The following PACSIN2 variants were observed in gnomAD, a reference collection of about 807,000 sequenced individuals.
PACSIN2 encodes protein kinase C and casein kinase substrate in neurons protein 2.
PACSIN2 carries 25 observed loss-of-function variants against 63.8 expected under a neutral mutation model. That is an observed-to-expected ratio of 0.39 (90% CI 0.29 to 0.55). The LOEUF (loss-of-function observed/expected upper bound fraction) is 0.55. Ranked by LOEUF, PACSIN2 falls within the 20% of genes least tolerant of loss-of-function variation. PACSIN2 has a pLI of 0.62. For synonymous variants in PACSIN2, 255 were observed against 256.2 expected (o/e 1.00, Z 0.05); for missense variants, 518 against 646.9 (o/e 0.80, Z 2.16).
intron 1 of PACSIN2, among the ~76,000 whole-genome samples, chr22:42,971,857 C>A (rs183763921): frequency 0.013 from 389 of 30,964 alleles, 8 homozygotes; most frequent in South Asian, 0.022. Context: ...TGGGGGGCAG[C>A]CCCCGCCCAG....
intron 2 of PACSIN2, among the ~76,000 whole-genome samples, chr22:42,904,068 A>C (rs1035844456): frequency 2.6e-5 from 4 of 152,350 alleles, no homozygotes; most frequent in Admixed American, 2.0e-4. Flanking sequence ...ATGACACAGA[A>C]ACCCAGAAAT....
chr22:42,884,001 G>A (rs1248723627), intron 6 of PACSIN2, among the ~76,000 whole-genome samples: 11 of 147,084 alleles, frequency 7.5e-5, no homozygotes, highest in East Asian at 5.8e-4. Flanking sequence ...GCAAGACTCC[G>A]TCTCAAAAAA....
chr22:42,899,963 G>C (rs1186269848), intron 2 of PACSIN2, among the ~76,000 whole-genome samples: 3 of 152,214 alleles, frequency 2.0e-5, no homozygotes, highest in African/African-American at 7.2e-5. Context: ...AGGGGGCCTA[G>C]GTATCAACTG....
rs1452580626 is a variant in PACSIN2 at position 42,870,777 on chromosome 22, T to C, written c.*580A>G. 6.6e-6 allele frequency: 1 copy of C among 152,374 alleles called. No homozygotes were observed. The highest frequency in any genetic ancestry group is 1.5e-5 in the Non-Finnish European group (1 of 68,206). The allele number at this position is 152,374 out of a possible 1,614,324, so 9.4% of individuals were successfully genotyped here. A position where few individuals can be genotyped will look rare whatever the true frequency, so the allele number is the denominator to read the frequency against. ...CTGGCATAATTCCTTTCCTCAAACATCTGCCACCTGAGGCTAAGCCTACAC... is the reference window on the plus strand; with the variant it reads ...CTGGCATAATTCCTTTCCTCAAACACCTGCCACCTGAGGCTAAGCCTACAC... On this transcript the variant is annotated 3_prime_UTR_variant, in exon 11 of 11. Transcript: ENST00000263246.
At chr22:42,939,714 T>C (rs1051689399) in intron 1 of PACSIN2, among the ~76,000 whole-genome samples, 1 of 152,246 alleles carries the variant, frequency 6.6e-6, no homozygotes, top group African/African-American at 2.4e-5. Context: ...ACAGTCTGCC[T>C]AACTCTATGC....
intron 1 of PACSIN2, among the ~76,000 whole-genome samples, chr22:42,961,102 T>A (rs949590506): frequency 1.3e-5 from 2 of 152,144 alleles, no homozygotes; most frequent in African/African-American, 4.8e-5. Flanking sequence ...CAAGCGGGTG[T>A]ATGTAGGGAT....
chr22:42,893,745 GT>G, intron 2 of PACSIN2, 132 bp from the exon 3 acceptor site: 1 of 784,372 alleles, frequency 1.3e-6, no homozygotes, highest in Non-Finnish European at 2.1e-6. Context: ...CTCTCCAAGA[GT>G]TTGAAAGGCA....
At chr22:42,979,988 T>G (rs146997649) in intron 1 of PACSIN2, among the ~76,000 whole-genome samples, 1 of 152,170 alleles carries the variant, frequency 6.6e-6, no homozygotes, top group South Asian at 2.1e-4. Context: ...CATACATGCT[T>G]AACTATATAA....
At chr22:42,963,055 T>C (rs1378848999) in intron 1 of PACSIN2, among the ~76,000 whole-genome samples, 2 of 152,204 alleles carry the variant, frequency 1.3e-5, no homozygotes, top group East Asian at 3.8e-4. Context: ...CCTGCTGGCC[T>C]CTGGCATGCA....
intron 2 of PACSIN2, chr22:42,909,586 C>T (rs1223815892): frequency 2.1e-6 from 1 of 471,012 alleles, no homozygotes. Context: ...ATTTCAGGGA[C>T]AGCATCACAA....
chr22:42,950,888 AG>A (rs1569314419), intron 1 of PACSIN2, among the ~76,000 whole-genome samples: 1 of 152,132 alleles, frequency 6.6e-6, no homozygotes, highest in African/African-American at 2.4e-5. Flanking sequence ...AGTAGGGGTC[AG>A]GGGATTTCAA....
At position 42,993,502 on chromosome 22, in the gene PACSIN2, T is replaced by G. The variant is rs1923190845; in HGVS notation, c.-78+21519A>C. 2 of 152,260 alleles carry G rather than the reference T, an allele frequency of 1.3e-5. 1 individual carries two copies. Among genetic ancestry groups the G allele is most frequent in the South Asian group, 4.1e-4 (2 of 4,832 alleles). 9.4% of individuals were successfully genotyped at this position (152,260 alleles called of 1,614,324 possible). ...TATTTTGCCAAGTAAGAATATCCTT[T>G]AGAAACTACCAGCTCTTTTCATCAA... On this transcript the variant is annotated intron_variant, in intron 1 of 10. Coordinates refer to ENST00000263246, the MANE Select transcript of PACSIN2 (RefSeq NM_001184970.3).
At chr22:42,975,783 C>G (rs1001687934) in intron 1 of PACSIN2, among the ~76,000 whole-genome samples, 1 of 151,914 alleles carries the variant, frequency 6.6e-6, no homozygotes, top group African/African-American at 2.4e-5. Flanking sequence ...GAGGTTGGCT[C>G]CCAGGCATTT....
intron 1 of PACSIN2, among the ~76,000 whole-genome samples, chr22:43,012,878 T>G (rs1201564969): frequency 6.6e-6 from 1 of 152,128 alleles, no homozygotes; most frequent in East Asian, 1.9e-4. Context: ...GGTCTCGAAC[T>G]CCCGACCTCT....
chr22:42,972,191 G>A (rs1325998143), intron 1 of PACSIN2, among the ~76,000 whole-genome samples: 1 of 152,254 alleles, frequency 6.6e-6, no homozygotes, highest in Non-Finnish European at 1.5e-5. Context: ...GGACGCTGTT[G>A]ATCTATGGCC....
intron 3 of PACSIN2, 28 bp from the exon 4 acceptor site, chr22:42,891,210 A>C: frequency 6.6e-7 from 1 of 1,524,918 alleles, no homozygotes; most frequent in Non-Finnish European, 9.1e-7. Flanking sequence ...GCTGCGGGTC[A>C]CTCAGCGCCG....
chr22:42,881,966 C>T (rs559552832), intron 7 of PACSIN2, among the ~76,000 whole-genome samples: 3 of 152,368 alleles, frequency 2.0e-5, no homozygotes, highest in South Asian at 2.1e-4. Context: ...GACATAACCG[C>T]GACTTCAGGA....
intron 1 of PACSIN2, among the ~76,000 whole-genome samples, chr22:42,932,505 C>T (rs1321398944): frequency 1.3e-5 from 2 of 152,054 alleles, no homozygotes; most frequent in Non-Finnish European, 2.9e-5. Flanking sequence ...AAACTGACAG[C>T]GACACACTTG....
intron 5 of PACSIN2, among the ~76,000 whole-genome samples, chr22:42,887,952 C>T (rs1008725291): frequency 8.5e-5 from 13 of 152,060 alleles, no homozygotes; most frequent in Non-Finnish European, 1.5e-4. Context: ...GCCTCACTTT[C>T]GGGGCCTGTC....
Sources: allele counts gnomAD v4.1 joint callset (sites outside exome capture counted in the v4.1 genomes callset), GRCh38; gene constraint gnomAD v4.1.1; transcripts MANE v1.5; gene names NCBI Gene and HGNC (gene_info 2026-07-23, HGNC 2026-07-21).